The following CDX1 variants were observed in gnomAD, a reference collection of about 807,000 sequenced individuals.
CDX1 encodes the protein caudal type homeobox 1, also known as homeobox protein CDX-1.
A neutral mutation model predicts 16.9 loss-of-function variants in CDX1; 9 were observed. That is an observed-to-expected ratio of 0.53 (90% CI 0.32 to 0.93). The LOEUF is 0.93. Among genes scored for constraint, CDX1 ranks in the 40% least tolerant of loss-of-function variants. CDX1 has a pLI of 0.04. For synonymous variants in CDX1, 179 were observed against 179.0 expected (o/e 1.00, Z 0.00); for missense variants, 393 against 386.1 (o/e 1.02, Z -0.15).
At chr5:150,175,936 C>G (rs1014943856) in intron 1 of CDX1, among the ~76,000 whole-genome samples, 2 of 152,158 alleles carry the variant, frequency 1.3e-5, no homozygotes, top group African/African-American at 4.8e-5. Flanking sequence ...AGCTTTTTAC[C>G]CTTTCCAGAC....
intron 1 of CDX1, among the ~76,000 whole-genome samples, chr5:150,171,760 T>A (rs955358017): frequency 1.3e-5 from 2 of 152,244 alleles, no homozygotes; most frequent in Non-Finnish European, 2.9e-5. Flanking sequence ...TAAGGCAAGT[T>A]AAGAGCCAGG....
At chr5:150,178,641 C>A (rs891024627) in intron 1 of CDX1, among the ~76,000 whole-genome samples, 2 of 152,178 alleles carry the variant, frequency 1.3e-5, no homozygotes, top group African/African-American at 2.4e-5. Flanking sequence ...ATTAAAAATA[C>A]AAATTAACAC....
intron 1 of CDX1, among the ~76,000 whole-genome samples, chr5:150,172,286 G>T (rs1309380835): frequency 6.6e-6 from 1 of 152,186 alleles, no homozygotes; most frequent in African/African-American, 2.4e-5. Flanking sequence ...ACCCTGTCTT[G>T]CACATAGTAA....
intron 1 of CDX1, among the ~76,000 whole-genome samples, chr5:150,173,992 AG>A (rs1761538295): frequency 1.3e-5 from 2 of 152,372 alleles, no homozygotes; most frequent in East Asian, 3.9e-4. Context: ...GTATTCACCA[AG>A]GATTCATCAA....
chr5:150,176,232 A>C (rs962103584), intron 1 of CDX1, among the ~76,000 whole-genome samples: 1 of 152,238 alleles, frequency 6.6e-6, no homozygotes, highest in Non-Finnish European at 1.5e-5. Flanking sequence ...GGGTGAGATC[A>C]GTCCTCCTGA....
chr5:150,178,477 G>C (rs58884648), intron 1 of CDX1, among the ~76,000 whole-genome samples: 9,762 of 152,094 alleles, frequency 0.064, 393 homozygotes, highest in Middle Eastern at 0.16. Flanking sequence ...CAGCGTCCCA[G>C]GGGCCTGTAA....
intron 1 of CDX1, among the ~76,000 whole-genome samples, chr5:150,169,862 G>A (rs1199625637): frequency 6.6e-6 from 1 of 151,420 alleles, no homozygotes; most frequent in Non-Finnish European, 1.5e-5. Flanking sequence ...ACATGTAGAC[G>A]AGGGAACCAA....
At chr5:150,180,895 G>A (rs889153470) in intron 1 of CDX1, among the ~76,000 whole-genome samples, 1 of 152,120 alleles carries the variant, frequency 6.6e-6, no homozygotes, top group African/African-American at 2.4e-5. Context: ...TGGGCCCCAG[G>A]CTGAGCCTCA....
chr5:150,166,971 C>T lies in CDX1; in HGVS notation c.95C>T (p.Pro32Leu). The change falls in exon 1 of 3, where the codon CCC (proline) becomes CTC (leucine). Residue 32 changes from proline to leucine, a missense_variant. Pro to Leu is a moderately conservative substitution (Grantham distance 98, BLOSUM62 -3). Transcript: ENST00000231656. Reference sequence around the variant, plus strand: ...GGCCTGGGCCCGCAAGCCTACGGCCCCCCGGCCCCGCCCCCGGCGCCCCCG... The same window carrying T: ...GGCCTGGGCCCGCAAGCCTACGGCCTCCCGGCCCCGCCCCCGGCGCCCCCG... ...SLGLGPQAYG[P>L]PAPPPAPPQY... 1 of 1,460,924 alleles carries T rather than the reference C, an allele frequency of 6.8e-7. No individual in the cohort carries two copies. Among genetic ancestry groups the T allele is most frequent in the Non-Finnish European group, 9.0e-7 (1 of 1,111,060 alleles). 90.5% of individuals were successfully genotyped at this position (1,460,924 alleles called of 1,614,324 possible).
chr5:150,174,805 T>G (rs1350982214), intron 1 of CDX1, among the ~76,000 whole-genome samples: 1 of 151,682 alleles, frequency 6.6e-6, no homozygotes, highest in Non-Finnish European at 1.5e-5. Flanking sequence ...AGATGGAGTT[T>G]TGCTCTTGTC....
At chr5:150,176,744 G>C (rs564112107) in intron 1 of CDX1, among the ~76,000 whole-genome samples, 122 of 152,360 alleles carry the variant, frequency 8.0e-4, no homozygotes, top group African/African-American at 2.9e-3. Context: ...CTGGGACCAG[G>C]ACCCACTGAC....
rs73796345 is a variant in CDX1, at chr5:150,180,273, C to T, written c.446-2495C>T. Reference sequence around the variant, plus strand: ...AATCTGGAGCCAAGGCCTGGGCAGCCACTCCCTTATCCCTTTCCTGGGGCC... The same window carrying T: ...AATCTGGAGCCAAGGCCTGGGCAGCTACTCCCTTATCCCTTTCCTGGGGCC... On this transcript the variant is annotated intron_variant, in intron 1 of 2. Coordinates refer to ENST00000231656, the MANE Select transcript of CDX1 (RefSeq NM_001804.3). 6.0e-3 allele frequency among the ~76,000 whole-genome samples: 917 copies of T among 152,356 alleles called. 8 individuals carry two copies. The highest frequency in any genetic ancestry group is 0.021 in the African/African-American group (880 of 41,586).
At position 150,166,952 on chromosome 5, in the gene CDX1, G is replaced by T. The variant is rs752336182; in HGVS notation, c.76G>T (p.Gly26Cys). ...AGCCAGGCCAGCCAGCCTCGGCCTG[G>T]GCCCGCAAGCCTACGGCCCCCCGGC... is the stretch of plus-strand genomic sequence containing the variant. ...GPARPASLGL[G>C]PQAYGPPAPP... is the part of the protein sequence containing the mutation. The change falls in exon 1 of 3, where the codon GGC becomes TGC. Residue 26 changes from glycine to cysteine, a missense_variant. Physicochemically the swap from Gly to Cys is radical, Grantham distance 159. Transcript: ENST00000231656. 6.7e-7 allele frequency: 1 copy of T among 1,496,196 alleles called. No homozygotes were observed. The allele number at this position is 1,496,196 out of a possible 1,614,324, so 92.7% of individuals were successfully genotyped here.
In CDX1 at chr5:150,166,970, C is replaced by A. The variant is rs560354225; in HGVS notation, c.94C>A (p.Pro32Thr). 857 of 1,459,774 alleles carry A rather than the reference C, an allele frequency of 5.9e-4. 13 individuals are homozygous for A. In the South Asian group the frequency reaches 0.011, roughly 19 times the overall value. The allele number at this position is 1,459,774 out of a possible 1,614,324, so 90.4% of individuals were successfully genotyped here. ...CGGCCTGGGCCCGCAAGCCTACGGC[C>A]CCCCGGCCCCGCCCCCGGCGCCCCC... Reference protein sequence around the residue: ...SLGLGPQAYGPPAPPPAPPQY... With the variant: ...SLGLGPQAYGTPAPPPAPPQY... Residue 32 changes from proline (P) to threonine (T), a missense_variant, in exon 1 of 3, where the codon CCC (proline) becomes ACC (threonine). Coordinates refer to ENST00000231656, the MANE Select transcript of CDX1 (RefSeq NM_001804.3).
chr5:150,174,624 G>A (rs1199044422), intron 1 of CDX1, among the ~76,000 whole-genome samples: 1 of 152,228 alleles, frequency 6.6e-6, no homozygotes, highest in Non-Finnish European at 1.5e-5. Flanking sequence ...TACAGCTAGT[G>A]TGACTGAGAA....
chr5:150,174,616 C>T (rs1027567300), intron 1 of CDX1, among the ~76,000 whole-genome samples: 29 of 152,328 alleles, frequency 1.9e-4, no homozygotes, highest in African/African-American at 6.5e-4. Flanking sequence ...ACTTGAAATA[C>T]AGCTAGTGTG....
chr5:150,183,099 C>T (rs1752486990), intron 2 of CDX1, among the ~76,000 whole-genome samples, 186 bp downstream of exon 2: 1 of 152,216 alleles, frequency 6.6e-6, no homozygotes, highest in Non-Finnish European at 1.5e-5. Flanking sequence ...AGTATCCTTG[C>T]CCCCAAAGGC....
chr5:150,183,588 G>C lies in CDX1; in HGVS notation c.706G>C (p.Ala236Pro). The change falls in exon 3 of 3, where the codon GCC (alanine) becomes CCC (proline). Residue 236 changes from alanine to proline, a missense_variant. Physicochemically the swap from Ala to Pro is conservative, Grantham distance 27. Coordinates refer to ENST00000231656, the MANE Select transcript of CDX1 (RefSeq NM_001804.3). ...GGCCCACGACATCACGGCCACCCCA[G>C]CCGGGCCATCCCTGGGGGGCCTGTG... ...PMAHDITATPAGPSLGGLCPS... is the reference protein window; with the variant it reads ...PMAHDITATPPGPSLGGLCPS... 1 of 1,610,846 alleles carries C rather than the reference G, an allele frequency of 6.2e-7. No homozygotes were observed. The highest frequency in any genetic ancestry group is 8.5e-7 in the Non-Finnish European group (1 of 1,177,754).
intron 1 of CDX1, among the ~76,000 whole-genome samples, chr5:150,167,912 G>C (rs765899620): frequency 6.6e-6 from 1 of 152,210 alleles, no homozygotes; most frequent in Non-Finnish European, 1.5e-5. Flanking sequence ...TCTTGACCCC[G>C]GGGGAGGGGA....
Sources: gnomAD v4.1 joint callset for allele counts (sites outside exome capture counted in the v4.1 genomes callset) on GRCh38, gnomAD v4.1.1 for gene constraint, MANE v1.5 for transcripts, NCBI Gene and HGNC (gene_info 2026-07-23, HGNC 2026-07-21) for gene names.